The following STK31 variants were observed in gnomAD, a reference collection of about 807,000 sequenced individuals.
STK31 encodes serine/threonine-protein kinase 31.
In STK31, 89 loss-of-function variants were observed where a neutral mutation model predicts 129.7. That is an observed-to-expected ratio of 0.69 (90% CI 0.58 to 0.82). STK31 has a LOEUF of 0.82. Ranked by LOEUF, STK31 falls within the 40% of genes least tolerant of loss-of-function variation. The pLI is 0.00. For missense variants in STK31, 1,187 were observed against 1,176.4 expected (o/e 1.01, Z -0.13); for synonymous variants, 448 against 395.3 (o/e 1.13, Z -1.58).
chr7:23,793,544 G>A (rs1257300362), intron 22 of STK31, among the ~76,000 whole-genome samples: 1 of 152,110 alleles, frequency 6.6e-6, no homozygotes, highest in African/African-American at 2.4e-5. Context: ...TCAATACTAA[G>A]AAGACTGCCC....
intron 6 of STK31, 136 bp from the exon 7 acceptor site, chr7:23,735,402 G>C: frequency 1.4e-6 from 1 of 719,206 alleles, no homozygotes; most frequent in Non-Finnish European, 2.3e-6. Context: ...ATGCATATTT[G>C]CATATTATAG....
chr7:23,750,372 A>G (rs982964419), intron 8 of STK31, among the ~76,000 whole-genome samples: 1 of 152,116 alleles, frequency 6.6e-6, no homozygotes, highest in Non-Finnish European at 1.5e-5. Flanking sequence ...CAGTTTTCCC[A>G]GTGACCCTAC....
chr7:23,820,911 C>A (rs1436260672), intron 23 of STK31, among the ~76,000 whole-genome samples: 1 of 152,042 alleles, frequency 6.6e-6, no homozygotes, highest in Non-Finnish European at 1.5e-5. Flanking sequence ...TAATAGTGTT[C>A]CACATTGTCT....
At chr7:23,715,987 A>G (rs1786291881) in intron 3 of STK31, among the ~76,000 whole-genome samples, 2 of 152,184 alleles carry the variant, frequency 1.3e-5, no homozygotes, top group South Asian at 2.1e-4. Context: ...GTGTTATATA[A>G]CCACAGTACA....
At chr7:23,794,198 G>A (rs1055051889) in intron 22 of STK31, among the ~76,000 whole-genome samples, 1 of 152,150 alleles carries the variant, frequency 6.6e-6, no homozygotes, top group Non-Finnish European at 1.5e-5. Flanking sequence ...CAAGGGTGGG[G>A]TCAGGTGGAG....
intron 11 of STK31, among the ~76,000 whole-genome samples, chr7:23,765,442 G>A (rs1322364562): frequency 5.3e-5 from 8 of 151,634 alleles, no homozygotes; most frequent in African/African-American, 1.9e-4. Context: ...AGCACCCAAC[G>A]TATATCTTTT....
chr7:23,749,265 T>C (rs1249749422), intron 8 of STK31, among the ~76,000 whole-genome samples: 1 of 152,204 alleles, frequency 6.6e-6, no homozygotes, highest in Non-Finnish European at 1.5e-5. Flanking sequence ...TACATCTGGT[T>C]CTGAATGTTT....
chr7:23,791,618 T>C (rs1211141700), intron 22 of STK31, among the ~76,000 whole-genome samples: 3 of 152,130 alleles, frequency 2.0e-5, no homozygotes, highest in Non-Finnish European at 4.4e-5. Flanking sequence ...GAACCTAAAA[T>C]AAAAGTTGGA....
intron 4 of STK31, among the ~76,000 whole-genome samples, chr7:23,720,940 C>G (rs1584324374): frequency 6.6e-6 from 1 of 152,188 alleles, no homozygotes; most frequent in Non-Finnish European, 1.5e-5. Flanking sequence ...CAAACAACTG[C>G]AATTCAGATC....
At chr7:23,805,430 G>A (rs983123482) in intron 22 of STK31, among the ~76,000 whole-genome samples, 10 of 152,056 alleles carry the variant, frequency 6.6e-5, no homozygotes, top group Non-Finnish European at 1.5e-4. Context: ...TTTTTTAAAG[G>A]CATTACATTT....
chr7:23,770,067 C>T (rs1017192), intron 13 of STK31, among the ~76,000 whole-genome samples: 77,986 of 151,904 alleles, frequency 0.51, 20,302 homozygotes, highest in East Asian at 0.61. Context: ...TTCTTGAATG[C>T]GTCATACCAA....
intron 22 of STK31, among the ~76,000 whole-genome samples, chr7:23,798,709 T>C (rs1269588370): frequency 2.6e-5 from 4 of 152,166 alleles, no homozygotes; most frequent in Non-Finnish European, 5.9e-5. Context: ...ATGCCCTCTC[T>C]CACCACTCCT....
At chr7:23,786,666 C>T in intron 19 of STK31, 33 bp downstream of exon 19, 1 of 1,592,820 alleles carries the variant, frequency 6.3e-7, no homozygotes, top group Non-Finnish European at 8.5e-7. Flanking sequence ...TTGCAGAAAC[C>T]ATTTTATCTT....
chr7:23,767,064 A>C (rs28368288), intron 11 of STK31, among the ~76,000 whole-genome samples: 6,763 of 152,050 alleles, frequency 0.044, 192 homozygotes, highest in Middle Eastern at 0.095. Context: ...TAATATCTTC[A>C]GTTGGTTATT....
chr7:23,814,477 A>G (rs1793344060), intron 22 of STK31, among the ~76,000 whole-genome samples: 1 of 152,058 alleles, frequency 6.6e-6, no homozygotes, highest in Non-Finnish European at 1.5e-5. Flanking sequence ...TATTTTTCCT[A>G]TAATGATATG....
chr7:23,807,885 T>C (rs1193530855), intron 22 of STK31, among the ~76,000 whole-genome samples: 1 of 152,018 alleles, frequency 6.6e-6, no homozygotes, highest in Non-Finnish European at 1.5e-5. Flanking sequence ...AAATTTCCAA[T>C]TGATTCTTTT....
chr7:23,754,609 G>A (rs544886833), intron 10 of STK31, 135 bp downstream of exon 10: 95 of 944,266 alleles, frequency 1.0e-4, no homozygotes, highest in Admixed American at 2.4e-4. Context: ...TACATGCGCC[G>A]TGGTAGTTTG....
Position 23,727,475 on chromosome 7 carries a change from T to G in STK31, c.324+160T>G, listed in dbSNP as rs142630912. On this transcript the variant is annotated intron_variant, in intron 5 of 23. Coordinates refer to ENST00000355870, the MANE Select transcript of STK31 (RefSeq NM_031414.5). ...ATTAATTGCTAAAAAACATGTTGTT[T>G]TATAATCACCTCAGATTATTCAAGA... 1.3e-3 allele frequency: 812 copies of G among 618,008 alleles called. 4 individuals are homozygous for G. The highest frequency in any genetic ancestry group is 0.012 in the African/African-American group (649 of 53,982). 38.3% of individuals were successfully genotyped at this position (618,008 alleles called of 1,614,324 possible).
At chr7:23,825,892 C>G in intron 23 of STK31, among the ~76,000 whole-genome samples, 1 of 152,110 alleles carries the variant, frequency 6.6e-6, no homozygotes, top group Non-Finnish European at 1.5e-5. Context: ...GTTCAGTTTC[C>G]ATGTAGTTGA....
Sources: allele counts gnomAD v4.1 joint callset (sites outside exome capture counted in the v4.1 genomes callset), GRCh38; gene constraint gnomAD v4.1.1; transcripts MANE v1.5; gene names NCBI Gene and HGNC (gene_info 2026-07-23, HGNC 2026-07-21).